The following IGFL4 variants were observed in gnomAD, a reference collection of about 807,000 sequenced individuals.
The protein encoded by IGFL4 is IGF like family member 4.
In IGFL4, 12 loss-of-function variants were observed where a neutral mutation model predicts 15.4. That is an observed-to-expected ratio of 0.78 (90% CI 0.50 to 1.26). The LOEUF (loss-of-function observed/expected upper bound fraction) is 1.26. IGFL4 is among the 50% of genes most tolerant of loss of function. The pLI is 0.00. For missense variants in IGFL4, 126 were observed against 147.8 expected, an observed-to-expected ratio of 0.85 and a Z score of 0.76; for synonymous variants, 54 against 55.9, an observed-to-expected ratio of 0.97 and a Z score of 0.16.
At position 46,040,012 on chromosome 19, in the gene IGFL4, A is replaced by G; in HGVS notation, c.331-76T>C. The G allele has an allele frequency of 4.0e-6, 6 of 1,508,660 alleles. No homozygotes were observed. Among genetic ancestry groups the G allele is most frequent in the Non-Finnish European group, 5.5e-6 (6 of 1,084,764 alleles). 93.5% of individuals were successfully genotyped at this position (1,508,660 alleles called of 1,614,324 possible). A position where few individuals can be genotyped will look rare whatever the true frequency, so the allele number is the denominator to read the frequency against. On this transcript the variant is annotated intron_variant, in intron 3 of 3. Coordinates refer to ENST00000377697, the MANE Select transcript of IGFL4 (RefSeq NM_001002923.3). The surrounding 1 kb of genome is among the most constrained non-coding windows in gnomAD (Gnocchi z 4.1). ...GCAGTGGCGGGGAAGGAACAGAGAC[A>G]TGGAGAAAGACAGAGTTGCATGGTT...
Position 46,040,030 on chromosome 19 carries a change from G to T in IGFL4, c.331-94C>A. On this transcript the variant is annotated intron_variant, in intron 3 of 3. Coordinates refer to ENST00000377697, the MANE Select transcript of IGFL4 (RefSeq NM_001002923.3). This position sits in a 1 kb window ranked among gnomAD's most constrained non-coding sequence, Gnocchi z 4.1. ...CAGAGACATGGAGAAAGACAGAGTTGCATGGTTACTGAGAGATGGGAAGGT... is the reference window on the plus strand; with the variant it reads ...CAGAGACATGGAGAAAGACAGAGTTTCATGGTTACTGAGAGATGGGAAGGT... 1 of 1,501,694 alleles carries T rather than the reference G, an allele frequency of 6.7e-7. No individual in the cohort carries two copies. The highest frequency in any genetic ancestry group is 9.3e-7 in the Non-Finnish European group (1 of 1,078,708). The allele number at this position is 1,501,694 out of a possible 1,614,324, so 93.0% of individuals were successfully genotyped here. A position where few individuals can be genotyped will look rare whatever the true frequency, so the allele number is the denominator to read the frequency against.
At chr19:46,071,077 G>A (rs1239208458) in intron 1 of IGFL4, among the ~76,000 whole-genome samples, 1 of 151,780 alleles carries the variant, frequency 6.6e-6, no homozygotes, top group Admixed American at 6.6e-5. Context: ...TTGTTTGCCT[G>A]CATGGGATTC....
At chr19:46,064,600 T>C (rs1191025677) in intron 1 of IGFL4, among the ~76,000 whole-genome samples, 1 of 152,188 alleles carries the variant, frequency 6.6e-6, no homozygotes, top group Non-Finnish European at 1.5e-5. Context: ...GTCTGGCTTA[T>C]TTCACTTGGT....
chr19:46,042,001 G>C (rs1568709755), upstream of IGFL4, among the ~76,000 whole-genome samples: 1 of 151,834 alleles, frequency 6.6e-6, no homozygotes, highest in African/African-American at 2.4e-5. Context: ...TCCTGGCCTG[G>C]CTAATTTTTT....
Position 46,040,217 on chromosome 19 carries a change from G to C in IGFL4, c.270C>G (p.Phe90Leu). The stretch of plus-strand genomic sequence containing the variant: ...AATCTGGCTTCATGCCTGGGACCTT[G>C]AACCTCACAACTGTCTGGTTCTGAG... ...LGSQNQTVVR[F>L]KVPGMKPDCK... is the part of the protein sequence containing the mutation. The change falls in exon 3 of 4, where the codon TTC becomes TTG. Residue 90 changes from phenylalanine to leucine, a missense_variant. By Grantham distance (22) the Phe-to-Leu change is conservative. Transcript: ENST00000377697. This position sits in a 1 kb window ranked among gnomAD's most constrained non-coding sequence, Gnocchi z 4.1. 6.2e-7 allele frequency: 1 copy of C among 1,614,152 alleles called. No individual in the cohort carries two copies. The highest frequency in any genetic ancestry group is 8.5e-7 in the Non-Finnish European group (1 of 1,180,040).
intron 1 of IGFL4, among the ~76,000 whole-genome samples, chr19:46,073,356 G>A (rs1038216705): frequency 2.6e-5 from 4 of 152,144 alleles, no homozygotes; most frequent in Non-Finnish European, 5.9e-5. Context: ...TGCAATTAGA[G>A]TTCCTTCTTT....
chr19:46,045,191 TC>T (rs1969286339), upstream of IGFL4, among the ~76,000 whole-genome samples: 1 of 152,132 alleles, frequency 6.6e-6, no homozygotes, highest in Non-Finnish European at 1.5e-5. Flanking sequence ...ACACCTTTAA[TC>T]CCAGCACTTT....
At chr19:46,050,058 G>A (rs1370837883) in intron 2 of IGFL4, among the ~76,000 whole-genome samples, 1 of 152,180 alleles carries the variant, frequency 6.6e-6, no homozygotes, top group Non-Finnish European at 1.5e-5. Flanking sequence ...GGATCCAGAA[G>A]AGAAATAACA....
intron 1 of IGFL4, among the ~76,000 whole-genome samples, chr19:46,063,100 C>T (rs553926050): frequency 2.6e-5 from 4 of 152,240 alleles, no homozygotes; most frequent in South Asian, 2.1e-4. Context: ...TTCGGTCAAG[C>T]GTCCTTGCCT....
chr19:46,039,737 G>A lies in IGFL4; in HGVS notation c.*155C>T. 2 of 645,436 alleles carry A rather than the reference G, an allele frequency of 3.1e-6. No individual in the cohort carries two copies. Among genetic ancestry groups the A allele is most frequent in the Non-Finnish European group, 2.8e-6 (1 of 354,936 alleles). The allele number at this position is 645,436 out of a possible 1,614,324, so 40.0% of individuals were successfully genotyped here. On this transcript the variant is annotated 3_prime_UTR_variant, in exon 4 of 4. Coordinates refer to ENST00000377697, the MANE Select transcript of IGFL4 (RefSeq NM_001002923.3). ...AGAATGCTTGTGATTTTTGTACATT[G>A]ATTTTGTATCCTGAGACTTTGCTGA...
At chr19:46,077,236 C>G (rs117184667), upstream of IGFL4, 2,053 of 152,350 alleles carry the variant, frequency 0.013, 15 homozygotes, top group Middle Eastern at 0.041. The surrounding 1 kb of genome is among the most constrained non-coding windows in gnomAD (Gnocchi z 5.4). Flanking sequence ...CAGGTGCCAG[C>G]TGGGAGCAGA....
chr19:46,069,902 G>A (rs529354742), intron 1 of IGFL4, among the ~76,000 whole-genome samples: 11 of 152,256 alleles, frequency 7.2e-5, no homozygotes, highest in African/African-American at 2.4e-4. Context: ...AAACATGAAT[G>A]AACAGGTTCA....
intron 1 of IGFL4, among the ~76,000 whole-genome samples, chr19:46,063,364 CACAT>C (rs772457669): frequency 6.0e-5 from 9 of 149,900 alleles, no homozygotes; most frequent in South Asian, 2.1e-4. Context: ...CACACACACA[CACAT>C]ACACGATCCC....
upstream of IGFL4, among the ~76,000 whole-genome samples, chr19:46,043,522 C>G (rs1969267972): frequency 6.6e-6 from 1 of 152,168 alleles, no homozygotes; most frequent in Admixed American, 6.5e-5. Context: ...TGTTGGAGGA[C>G]TCACACTACC....
chr19:46,069,776 T>C lies in IGFL4; in HGVS notation c.-432+7244A>G, dbSNP rs1303679638. On this transcript the variant is annotated intron_variant, in intron 1 of 5. Coordinates refer to the IGFL4 transcript ENST00000601672. ...CTTGTATGTACATATTTGGGCACTTTAATTAGAGTGTTTAGTCAACAGCAA... is the reference window on the plus strand; with the variant it reads ...CTTGTATGTACATATTTGGGCACTTCAATTAGAGTGTTTAGTCAACAGCAA... Among the ~76,000 whole-genome samples, 3 of 152,358 alleles carry C rather than the reference T, an allele frequency of 2.0e-5. No homozygotes were observed. The East Asian group carries it at 5.8e-4, about 29-fold the overall frequency.
At position 46,040,448 on chromosome 19, in the gene IGFL4, G is replaced by A; in HGVS notation, c.71-32C>T. 1 of 1,613,508 alleles carries A rather than the reference G, an allele frequency of 6.2e-7. No homozygotes were observed. The stretch of plus-strand genomic sequence containing the variant: ...GAGTCGGGGCTGGATGGGCTGCAAG[G>A]ACCAGCCTAGGACCACCTCCCCACC... On this transcript the variant is annotated intron_variant, in intron 2 of 3. Coordinates refer to ENST00000377697, the MANE Select transcript of IGFL4 (RefSeq NM_001002923.3). The surrounding 1 kb of genome is among the most constrained non-coding windows in gnomAD (Gnocchi z 4.1).
chr19:46,050,077 A>C (rs758572833), intron 2 of IGFL4, among the ~76,000 whole-genome samples: 1 of 152,204 alleles, frequency 6.6e-6, no homozygotes, highest in Non-Finnish European at 1.5e-5. Context: ...CAATCACTGC[A>C]GTTCAGCTCT....
intron 2 of IGFL4, among the ~76,000 whole-genome samples, chr19:46,046,281 C>T (rs1459715314): frequency 6.6e-6 from 1 of 152,134 alleles, no homozygotes; most frequent in African/African-American, 2.4e-5. Flanking sequence ...AAAGGGAAAA[C>T]CTTTACCAGC....
rs1175009495 is a variant in IGFL4, at chr19:46,040,163, A to C, written c.324T>G (p.Cys108Trp). 1 of 1,613,566 alleles carries C rather than the reference A, an allele frequency of 6.2e-7. No homozygotes were observed. Among genetic ancestry groups the C allele is most frequent in the African/African-American group, 1.3e-5 (1 of 74,898 alleles). ...DCKSSPITRI[C>W]AQEYHPKSPV... is the part of the protein sequence containing the mutation. ...ACTGGAGTCAGATCCTTACCTGGGC[A>C]CAGATCCTGGTGATAGGGGAGGACT... The change falls in exon 3 of 4, where the codon TGT becomes TGG. Residue 108 changes from cysteine to tryptophan, a missense_variant. Physicochemically the swap from Cys to Trp is radical, Grantham distance 215. Coordinates refer to ENST00000377697, the MANE Select transcript of IGFL4 (RefSeq NM_001002923.3). This position sits in a 1 kb window ranked among gnomAD's most constrained non-coding sequence, Gnocchi z 4.1.
Sources: gnomAD v4.1 joint callset for allele counts (sites outside exome capture counted in the v4.1 genomes callset) on GRCh38, gnomAD v4.1.1 for gene constraint, Gnocchi (gnomAD v3.1) non-coding constraint, MANE v1.5 for transcripts, NCBI Gene and HGNC (gene_info 2026-07-23, HGNC 2026-07-21) for gene names.